The following LYZL4 variants were observed in gnomAD, a reference collection of about 807,000 sequenced individuals.
The protein encoded by LYZL4 is lysozyme-like protein 4.
In LYZL4, 13 loss-of-function variants were observed where a neutral mutation model predicts 17.6. The ratio of observed to expected loss-of-function variants is 0.74; its 90% confidence interval spans 0.48 to 1.18. LYZL4 has a LOEUF of 1.18. Among genes scored for constraint, LYZL4 ranks in the 50% most tolerant of loss-of-function variants. LYZL4 has a pLI of 0.00. For synonymous variants in LYZL4, 64 were observed against 67.7 expected (o/e 0.95, Z 0.27); for missense variants, 174 against 188.2 (o/e 0.92, Z 0.44).
At chr3:42,402,316 T>A (rs1698670739) in intron 4 of LYZL4, among the ~76,000 whole-genome samples, 1 of 67,830 alleles carries the variant, frequency 1.5e-5, no homozygotes, top group East Asian at 2.0e-4. Context: ...TTTTCTTTTC[T>A]TTCTTTTTTT....
chr3:42,378,058 G>T, the LYZL4 span, among the ~76,000 whole-genome samples: 1 of 152,176 alleles, frequency 6.6e-6, no homozygotes, highest in African/African-American at 2.4e-5. Flanking sequence ...TGTAGACAAA[G>T]CCTATGAGGG....
chr3:42,401,000 AC>A, intron 4 of LYZL4, among the ~76,000 whole-genome samples: 1 of 152,220 alleles, frequency 6.6e-6, no homozygotes, highest in East Asian at 1.9e-4. Context: ...ACACCAATCT[AC>A]CCCCAAGTAG....
the LYZL4 span, among the ~76,000 whole-genome samples, chr3:42,376,062 C>T: frequency 6.6e-6 from 1 of 152,134 alleles, no homozygotes; most frequent in Non-Finnish European, 1.5e-5. Context: ...CCATCAAAAC[C>T]AAGATTCTAC....
At chr3:42,405,854 G>T (rs1014336279) in intron 3 of LYZL4, among the ~76,000 whole-genome samples, 3 of 152,052 alleles carry the variant, frequency 2.0e-5, no homozygotes, top group African/African-American at 7.2e-5. Context: ...TGGGGATAAC[G>T]GTACCCACCT....
downstream of LYZL4, chr3:42,396,938 G>T: frequency 5.4e-6 from 1 of 183,606 alleles, no homozygotes; most frequent in Non-Finnish European, 1.1e-5. Context: ...GTTTAGTATT[G>T]ACATTCATGG....
intron 3 of LYZL4, 56 bp from the exon 4 acceptor site, chr3:42,404,180 G>A: frequency 1.7e-6 from 2 of 1,169,228 alleles, no homozygotes; most frequent in African/African-American, 1.5e-5. Context: ...TTAAGTTAGA[G>A]TGATGTCAGG....
At chr3:42,374,401 G>A in the LYZL4 span, among the ~76,000 whole-genome samples, 1 of 152,138 alleles carries the variant, frequency 6.6e-6, no homozygotes, top group Non-Finnish European at 1.5e-5. Context: ...ATTCTTGTAA[G>A]TACTTCTTGA....
chr3:42,409,677 C>A (rs1488042104), intron 1 of LYZL4, among the ~76,000 whole-genome samples: 1 of 152,232 alleles, frequency 6.6e-6, no homozygotes, highest in African/African-American at 2.4e-5. Flanking sequence ...TCTAACTACA[C>A]TCCTCTACTA....
chr3:42,398,834 A>G (rs892950476), intron 4 of LYZL4, among the ~76,000 whole-genome samples: 3 of 152,206 alleles, frequency 2.0e-5, no homozygotes, highest in Non-Finnish European at 4.4e-5. Flanking sequence ...CACAAAAGAA[A>G]AAAACCAAGG....
chr3:42,363,062 T>C, the LYZL4 span, among the ~76,000 whole-genome samples: 1 of 152,182 alleles, frequency 6.6e-6, no homozygotes, highest in Admixed American at 6.5e-5. Context: ...ACAAGTCAAG[T>C]GAACTGTGAA....
downstream of LYZL4, chr3:42,397,021 T>C (rs1009555886): frequency 9.9e-5 from 38 of 384,172 alleles, no homozygotes; most frequent in Non-Finnish European, 1.4e-4. Context: ...TAAATCACAA[T>C]AATAGTAAAT....
At chr3:42,405,290 C>T (rs1053580476) in intron 3 of LYZL4, among the ~76,000 whole-genome samples, 2 of 152,152 alleles carry the variant, frequency 1.3e-5, no homozygotes, top group East Asian at 1.9e-4. Context: ...CCTCGTGATC[C>T]GCCCATCTCG....
At chr3:42,401,391 T>A (rs1405640195) in intron 4 of LYZL4, among the ~76,000 whole-genome samples, 1 of 152,002 alleles carries the variant, frequency 6.6e-6, no homozygotes, top group Non-Finnish European at 1.5e-5. Context: ...TTGCATTTTT[T>A]TTTTAGTAGA....
At chr3:42,372,859 C>T in the LYZL4 span, among the ~76,000 whole-genome samples, 1 of 152,126 alleles carries the variant, frequency 6.6e-6, no homozygotes, top group Non-Finnish European at 1.5e-5. Flanking sequence ...TACAAGGGTC[C>T]AAAGCTCATC....
chr3:42,391,151 A>T, the LYZL4 span, among the ~76,000 whole-genome samples: 1 of 152,312 alleles, frequency 6.6e-6, no homozygotes, highest in Non-Finnish European at 1.5e-5. Flanking sequence ...CTTTCAATGC[A>T]TATCCATTTT....
At chr3:42,389,625 G>A in the LYZL4 span, among the ~76,000 whole-genome samples, 14 of 152,080 alleles carry the variant, frequency 9.2e-5, no homozygotes, top group South Asian at 2.1e-4. Context: ...TTCCTACCTC[G>A]CTCCTAGGGC....
chr3:42,388,422 A>C, the LYZL4 span, among the ~76,000 whole-genome samples: 1 of 152,240 alleles, frequency 6.6e-6, no homozygotes, highest in Admixed American at 6.5e-5. Context: ...AACAGCACAG[A>C]CACAGATCAA....
chr3:42,388,857 C>T, the LYZL4 span, among the ~76,000 whole-genome samples: 2 of 152,044 alleles, frequency 1.3e-5, no homozygotes, highest in Admixed American at 6.6e-5. Flanking sequence ...ATGACAGCTG[C>T]CCTGACTGGG....
chr3:42,375,633 T>C, the LYZL4 span, among the ~76,000 whole-genome samples: 3 of 152,178 alleles, frequency 2.0e-5, no homozygotes, highest in East Asian at 1.9e-4. Flanking sequence ...GAGACAGGAC[T>C]AGAGAGGCAG....
Sources: allele counts gnomAD v4.1 joint callset (sites outside exome capture counted in the v4.1 genomes callset), GRCh38; gene constraint gnomAD v4.1.1; transcripts MANE v1.5; gene names NCBI Gene and HGNC (gene_info 2026-07-23, HGNC 2026-07-21).